The following RBMS3 variants were observed in gnomAD, a reference collection of about 807,000 sequenced individuals.
RBMS3 encodes the protein RNA-binding motif, single-stranded-interacting protein 3.
In RBMS3, 27 loss-of-function variants were observed where a neutral mutation model predicts 66.8. The observed-to-expected ratio is 0.40, with a 90% CI of 0.30 to 0.56. RBMS3 has a LOEUF of 0.56. Ranked by LOEUF, RBMS3 falls within the 20% of genes least tolerant of loss-of-function variation. The pLI is 0.40. For synonymous variants in RBMS3, 188 were observed against 183.0 expected, an observed-to-expected ratio of 1.03 and a Z score of -0.22; for missense variants, 513 against 549.5, an observed-to-expected ratio of 0.93 and a Z score of 0.66.
At chr3:29,428,969 G>A (rs116222777) in intron 1 of RBMS3, among the ~76,000 whole-genome samples, 469 of 152,254 alleles carry the variant, frequency 3.1e-3, no homozygotes, top group Non-Finnish European at 3.1e-3. Flanking sequence ...TTTCCCTCCT[G>A]CTGATACTTA....
At chr3:29,705,112 G>T (rs1043594474) in intron 4 of RBMS3, among the ~76,000 whole-genome samples, 1 of 152,094 alleles carries the variant, frequency 6.6e-6, no homozygotes, top group African/African-American at 2.4e-5. Context: ...TAGCTTTCTC[G>T]CCCATGTCCA....
Position 29,986,780 on chromosome 3 carries a change from T to C in RBMS3, c.1099-1363T>C, listed in dbSNP as rs187590338. Among the ~76,000 whole-genome samples the C allele has an allele frequency of 1.2e-4, 18 of 152,200 alleles. No individual in the cohort carries two copies. The East Asian group carries it at 3.3e-3, about 28-fold the overall frequency. On this transcript the variant is annotated intron_variant, in intron 12 of 14. Coordinates refer to ENST00000383767, the MANE Select transcript of RBMS3 (RefSeq NM_001003793.3). Reference sequence around the variant, plus strand: ...CAATATGGCAAAACCCTGTCTCTACTAAAAATACAAAAATTAACCAGGTGT... The same window carrying C: ...CAATATGGCAAAACCCTGTCTCTACCAAAAATACAAAAATTAACCAGGTGT...
At chr3:29,644,618 G>T (rs186194117) in intron 4 of RBMS3, among the ~76,000 whole-genome samples, 14 of 152,198 alleles carry the variant, frequency 9.2e-5, no homozygotes, top group Middle Eastern at 3.4e-3. Flanking sequence ...TTGCCTAAAA[G>T]GTTCAGTAAA....
chr3:29,419,577 T>C (rs368784664), intron 1 of RBMS3, among the ~76,000 whole-genome samples: 1 of 152,302 alleles, frequency 6.6e-6, no homozygotes, highest in African/African-American at 2.4e-5. Context: ...AGTTGACCTA[T>C]AGATAAAAAT....
intron 6 of RBMS3, among the ~76,000 whole-genome samples, chr3:29,800,885 C>T (rs2057367628): frequency 6.6e-6 from 1 of 152,008 alleles, no homozygotes; most frequent in Non-Finnish European, 1.5e-5. Context: ...TCATGTGACC[C>T]TTTTGTCAGG....
At chr3:29,690,515 T>A (rs2051956659) in intron 4 of RBMS3, among the ~76,000 whole-genome samples, 1 of 152,246 alleles carries the variant, frequency 6.6e-6, no homozygotes, top group African/African-American at 2.4e-5. Context: ...TAATCAATTA[T>A]CTCTAATCAA....
At chr3:29,878,491 G>A (rs2059662856) in intron 7 of RBMS3, among the ~76,000 whole-genome samples, 1 of 151,674 alleles carries the variant, frequency 6.6e-6, no homozygotes, top group Non-Finnish European at 1.5e-5. Context: ...CTTTATTACT[G>A]ACCTCCTGCC....
At chr3:29,986,967 C>A (rs557677780) in intron 12 of RBMS3, among the ~76,000 whole-genome samples, 120 of 151,878 alleles carry the variant, frequency 7.9e-4, no homozygotes, top group Middle Eastern at 3.4e-3. Flanking sequence ...ACAACAACAA[C>A]AAAGAAAAAG....
chr3:29,343,083 C>T (rs548307756), intron 1 of RBMS3, among the ~76,000 whole-genome samples: 15 of 152,126 alleles, frequency 9.9e-5, no homozygotes, highest in African/African-American at 3.4e-4. Context: ...TATCTGTATA[C>T]ATAAAACTCA....
At chr3:29,587,074 T>C in intron 3 of RBMS3, 40 bp from the exon 4 acceptor site, 1 of 1,499,652 alleles carries the variant, frequency 6.7e-7, no homozygotes. Flanking sequence ...GAGATTCAGC[T>C]TTTTGTGAAT....
At chr3:29,461,528 C>G (rs1158717136) in intron 2 of RBMS3, among the ~76,000 whole-genome samples, 1 of 152,180 alleles carries the variant, frequency 6.6e-6, no homozygotes. Flanking sequence ...TTGATACACA[C>G]AAATTGAAAT....
Position 29,635,344 on chromosome 3 carries a change from T to C in RBMS3, c.399+48139T>C, listed in dbSNP as rs934455027. On this transcript the variant is annotated intron_variant, in intron 4 of 14. Coordinates refer to ENST00000383767, the MANE Select transcript of RBMS3 (RefSeq NM_001003793.3). ...CTTTCTGCAGCCTTCCCCATCTCAG[T>C]TGATGGCAGTACCATCCTTCTAGTG... Among the ~76,000 whole-genome samples the C allele has an allele frequency of 2.6e-5, 4 of 151,902 alleles. No individual in the cohort carries two copies. In the East Asian group the frequency reaches 7.8e-4, roughly 29 times the overall value.
chr3:29,793,535 T>C (rs934768527), intron 6 of RBMS3, among the ~76,000 whole-genome samples: 7 of 152,254 alleles, frequency 4.6e-5, no homozygotes, highest in Non-Finnish European at 1.0e-4. Flanking sequence ...TAATTTAAGA[T>C]GGATAATGAT....
intron 4 of RBMS3, among the ~76,000 whole-genome samples, chr3:29,728,046 G>T (rs1039998134): frequency 3.3e-5 from 5 of 152,156 alleles, no homozygotes; most frequent in African/African-American, 9.7e-5. Flanking sequence ...ATGAGTTCAT[G>T]TCCTTTGCGG....
At chr3:29,428,009 C>T (rs567296631) in intron 1 of RBMS3, among the ~76,000 whole-genome samples, 6 of 152,304 alleles carry the variant, frequency 3.9e-5, no homozygotes, top group Admixed American at 3.3e-4. Context: ...ATGTGGCATA[C>T]TGACATCTTG....
At chr3:29,309,650 G>A (rs1433028348) in intron 1 of RBMS3, among the ~76,000 whole-genome samples, 2 of 151,502 alleles carry the variant, frequency 1.3e-5, no homozygotes, top group African/African-American at 2.4e-5. Flanking sequence ...TTGTCACAGA[G>A]ATGGAAGAAG....
chr3:29,389,037 A>G (rs1309763516), intron 1 of RBMS3, among the ~76,000 whole-genome samples: 1 of 152,192 alleles, frequency 6.6e-6, no homozygotes, highest in Non-Finnish European at 1.5e-5. Flanking sequence ...GTTTTATTTA[A>G]TTGAATCCTT....
intron 1 of RBMS3, among the ~76,000 whole-genome samples, chr3:29,431,560 G>C (rs1032861958): frequency 1.3e-5 from 2 of 151,734 alleles, no homozygotes; most frequent in Non-Finnish European, 2.9e-5. Flanking sequence ...CAAACTGCTG[G>C]GACTACAGGC....
rs560847457 is a variant in RBMS3, at chr3:29,450,599, G to T, written c.248+15684G>T. Among the ~76,000 whole-genome samples, 35 of 152,100 alleles carry T rather than the reference G, an allele frequency of 2.3e-4. 2 individuals carry two copies. The South Asian group carries it at 6.8e-3, about 30-fold the overall frequency. On this transcript the variant is annotated intron_variant, in intron 2 of 14. Coordinates refer to ENST00000383767, the MANE Select transcript of RBMS3 (RefSeq NM_001003793.3). Reference sequence around the variant, plus strand: ...TTGCCTCTTTGCACAGTCCTGCTTGGCATTGATGCTAATTGCTAAAACATT... The same window carrying T: ...TTGCCTCTTTGCACAGTCCTGCTTGTCATTGATGCTAATTGCTAAAACATT...
Sources: allele counts gnomAD v4.1 joint callset (sites outside exome capture counted in the v4.1 genomes callset), GRCh38; gene constraint gnomAD v4.1.1; transcripts MANE v1.5; gene names NCBI Gene and HGNC (gene_info 2026-07-23, HGNC 2026-07-21).